ZFC3H1: variants seen among roughly 807,000 people sequenced by gnomAD.
ZFC3H1 encodes zinc finger C3H1-type containing.
A neutral mutation model predicts 243.7 loss-of-function variants in ZFC3H1; 71 were observed. The observed-to-expected ratio is 0.29, with a 90% confidence interval of 0.24 to 0.36. The LOEUF is 0.36. Among genes scored for constraint, ZFC3H1 ranks in the 10% least tolerant of loss-of-function variants. The pLI is 1.00. For synonymous variants in ZFC3H1, 838 were observed against 813.0 expected, an observed-to-expected ratio of 1.03 and a Z score of -0.52; for missense variants, 1,966 against 2,317.1, an observed-to-expected ratio of 0.85 and a Z score of 3.11.
intron 12 of ZFC3H1, among the ~76,000 whole-genome samples, chr12:71,633,950 G>A (rs566431355): frequency 1.6e-4 from 24 of 152,156 alleles, no homozygotes; most frequent in Non-Finnish European, 3.2e-4. Context: ...GAGCCACCGC[G>A]CCTGGCCGGT....
intron 2 of ZFC3H1, among the ~76,000 whole-genome samples, chr12:71,649,527 A>G (rs1052731662): frequency 2.0e-5 from 3 of 152,018 alleles, no homozygotes; most frequent in Non-Finnish European, 2.9e-5. Context: ...TTTATATGCC[A>G]CGGACAAAGT....
chr12:71,611,660 GAAAAA>G (rs35052856), intron 32 of ZFC3H1, 121 bp downstream of exon 32: 14 of 107,496 alleles, frequency 1.3e-4, no homozygotes, highest in Middle Eastern at 4.4e-3. Context: ...ATCTGTCCAG[GAAAAA>G]AAAAAAAAAA....
Position 71,638,404 on chromosome 12 carries a change from CA to C in ZFC3H1, c.1725+13del. ...AAGACAAAATAATTTTCTTAGAAAT[CA>C]ATTCTGACTTACAGAAACCTGAGGT... On this transcript the variant is annotated intron_variant, in intron 7 of 34. Transcript: ENST00000378743. The C allele has an allele frequency of 6.2e-7, 1 of 1,606,324 alleles. No homozygotes were observed. The highest frequency in any genetic ancestry group is 8.5e-7 in the Non-Finnish European group (1 of 1,176,098).
intron 9 of ZFC3H1, 151 bp from the exon 10 acceptor site, chr12:71,635,731 T>A (rs1437805514): frequency 1.8e-6 from 1 of 544,996 alleles, no homozygotes; most frequent in African/African-American, 2.0e-5. Context: ...CGACCAATAC[T>A]GGTTATATGA....
chr12:71,639,714 G>A (rs1276968761), intron 6 of ZFC3H1, among the ~76,000 whole-genome samples: 1 of 152,172 alleles, frequency 6.6e-6, no homozygotes, highest in Non-Finnish European at 1.5e-5. Flanking sequence ...CAGTGGGAAG[G>A]TAGAGGGTGC....
In ZFC3H1 at chr12:71,653,384, G is replaced by C. The variant is rs183513996; in HGVS notation, c.1015+3501C>G. Among the ~76,000 whole-genome samples, 273 of 152,188 alleles carry C rather than the reference G, an allele frequency of 1.8e-3. 3 individuals carry two copies. The highest frequency in any genetic ancestry group is 6.3e-3 in the African/African-American group (263 of 41,538). On this transcript the variant is annotated intron_variant, in intron 2 of 34. Transcript: ENST00000378743. ...AGTGACAGAAACTTAGAGAAATGAA[G>C]AGACATGAAAGATAAAGTATGATGA...
intron 1 of ZFC3H1, among the ~76,000 whole-genome samples, chr12:71,659,677 A>C (rs147617496): frequency 1.3e-5 from 2 of 152,340 alleles, no homozygotes; most frequent in Non-Finnish European, 2.9e-5. Context: ...ATAACTGACT[A>C]ATCTCCTTCA....
Position 71,614,529 on chromosome 12 carries a change from T to C in ZFC3H1, c.5526+6A>G, listed in dbSNP as rs764116932. On this transcript the variant is annotated splice_donor_region_variant and intron_variant, in intron 30 of 34. Transcript: ENST00000378743. ...ATATCTAAAGAAAAAAGTTTTGAGT[T>C]CTTACCCTATTATGAAATTCATAGT... is the stretch of plus-strand genomic sequence containing the variant. 3.2e-6 allele frequency: 5 copies of C among 1,570,466 alleles called. No homozygotes were observed. The highest frequency in any genetic ancestry group is 4.3e-6 in the Non-Finnish European group (5 of 1,164,658).
intron 17 of ZFC3H1, 34 bp downstream of exon 17, chr12:71,630,789 T>C: frequency 6.2e-7 from 1 of 1,608,664 alleles, no homozygotes; most frequent in East Asian, 2.2e-5. Flanking sequence ...AAGACCATTT[T>C]TCAAATTACA....
intron 1 of ZFC3H1, chr12:71,660,539 T>TAA (rs1313541716): frequency 6.6e-6 from 1 of 151,716 alleles, no homozygotes; most frequent in Non-Finnish European, 1.5e-5. Context: ...TGCAACATCA[T>TAA]ATGCCAGTTT....
At chr12:71,623,029 T>TA (rs34100899) in intron 24 of ZFC3H1, among the ~76,000 whole-genome samples, 183 of 144,930 alleles carry the variant, frequency 1.3e-3, no homozygotes, top group African/African-American at 3.4e-3. Context: ...AATGGACTGC[T>TA]AAAAAAAAAA....
In ZFC3H1 at chr12:71,610,555, A is replaced by G; in HGVS notation, c.5843T>C (p.Phe1948Ser). The change falls in exon 35 of 35, where the codon TTT becomes TCT. Residue 1948 changes from phenylalanine (F) to serine (S), a missense_variant. Coordinates refer to ENST00000378743, the MANE Select transcript of ZFC3H1 (RefSeq NM_144982.5). ...AGTTTTACCTCCTTCTGATGCTTCA[A>G]ACAAGAGTTGCTGTAAAAGACAGGG... ...CASLWKDQLL[F>S]EASEGGKTDN... 6.2e-7 allele frequency: 1 copy of G among 1,613,338 alleles called. No homozygotes were observed. The highest frequency in any genetic ancestry group is 8.5e-7 in the Non-Finnish European group (1 of 1,179,536).
intron 27 of ZFC3H1, 50 bp downstream of exon 27, chr12:71,619,265 G>T: frequency 1.3e-6 from 2 of 1,536,328 alleles, no homozygotes; most frequent in South Asian, 1.2e-5. Context: ...TCTTTCTACT[G>T]AACTGTGCTC....
intron 6 of ZFC3H1, chr12:71,639,448 C>T (rs1880545606): frequency 4.4e-6 from 1 of 227,168 alleles, no homozygotes; most frequent in Non-Finnish European, 8.8e-6. Flanking sequence ...CAGTGTTCTG[C>T]CCCATGAACA....
At chr12:71,614,345 A>G (rs1368392771) in intron 30 of ZFC3H1, among the ~76,000 whole-genome samples, 190 bp downstream of exon 30, 1 of 152,172 alleles carries the variant, frequency 6.6e-6, no homozygotes, top group Non-Finnish European at 1.5e-5. Context: ...GCACATTTTA[A>G]TTGTGCCTTA....
rs1881242576 is a variant in ZFC3H1, at chr12:71,663,347, G to C, written c.264C>G (p.Arg88=). The C allele has an allele frequency of 6.2e-7, 1 of 1,613,058 alleles. No homozygotes were observed. Among genetic ancestry groups the C allele is most frequent in the African/African-American group, 1.3e-5 (1 of 74,946 alleles). ...SSQQQLRNFS[R]SRHASERGHL... is the part of the protein sequence containing the mutation. ...GGCCCCGCTCAGACGCGTGCCGCGA[G>C]CGTGAGAAATTCCTCAGCTGCTGCT... The change falls in exon 1 of 35, where the codon CGC becomes CGG. Residue 88 remains arginine (R), a synonymous_variant. Transcript: ENST00000378743.
intron 12 of ZFC3H1, among the ~76,000 whole-genome samples, 155 bp downstream of exon 12, chr12:71,634,000 G>A (rs898722408): frequency 2.0e-5 from 3 of 152,220 alleles, no homozygotes; most frequent in African/African-American, 4.8e-5. Context: ...TTATGTAAAT[G>A]TAGTGTCATT....
intron 26 of ZFC3H1, 87 bp from the exon 27 acceptor site, chr12:71,619,496 G>A: frequency 7.9e-7 from 1 of 1,262,184 alleles, no homozygotes; most frequent in Non-Finnish European, 1.1e-6. Context: ...CCTTAAAAAA[G>A]TACTCATTAG....
At chr12:71,615,767 C>T (rs1305908459) in intron 27 of ZFC3H1, among the ~76,000 whole-genome samples, 1 of 152,150 alleles carries the variant, frequency 6.6e-6, no homozygotes, top group Non-Finnish European at 1.5e-5. Context: ...ATTCTCCTGC[C>T]TCAACCTCCC....
Sources: gnomAD v4.1 joint callset for allele counts (sites outside exome capture counted in the v4.1 genomes callset) on GRCh38, gnomAD v4.1.1 for gene constraint, MANE v1.5 for transcripts, NCBI Gene and HGNC (gene_info 2026-07-23, HGNC 2026-07-21) for gene names.